The following SYNJ2 variants were observed in gnomAD, a reference collection of about 807,000 sequenced individuals.
SYNJ2 encodes polyphosphatidylinositol phosphatase SYNJ2.
Under a neutral mutation model 141.3 loss-of-function variants are expected in SYNJ2, and 116 were observed. The observed-to-expected ratio is 0.82, with a 90% confidence interval of 0.71 to 0.96. The LOEUF is 0.96. Among genes scored for constraint, SYNJ2 ranks in the 40% least tolerant of loss-of-function variants. The pLI, the probability that SYNJ2 is intolerant of heterozygous loss-of-function variation, is 0.00. For missense variants in SYNJ2, 1,873 were observed against 1,934.8 expected (o/e 0.97, Z 0.60); for synonymous variants, 745 against 777.7 (o/e 0.96, Z 0.70).
chr6:158,092,830 A>C, intron 25 of SYNJ2, 96 bp from the exon 26 acceptor site: 2 of 1,155,570 alleles, frequency 1.7e-6, no homozygotes, highest in Non-Finnish European at 2.4e-6. Context: ...ACACTGAATT[A>C]GTAAATGACA....
Position 158,071,584 on chromosome 6 carries a change from C to T in SYNJ2, c.1941-18C>T, listed in dbSNP as rs149193527. 1.1e-4 allele frequency: 172 copies of T among 1,610,784 alleles called. No homozygotes were observed. The African/African-American group carries it at 2.1e-3, about 20-fold the overall frequency. On this transcript the variant is annotated intron_variant, in intron 14 of 26. Transcript: ENST00000355585. This position sits in a 1 kb window ranked among gnomAD's most constrained non-coding sequence, Gnocchi z 4.3. ...CTCCTTCAGGAGCCGACGGCATGCGCGTATCCTTCTGTTCCAGGGACGTAG... is the reference window on the plus strand; with the variant it reads ...CTCCTTCAGGAGCCGACGGCATGCGTGTATCCTTCTGTTCCAGGGACGTAG...
At chr6:157,995,831 T>C (rs1583290074) in intron 1 of SYNJ2, among the ~76,000 whole-genome samples, 2 of 152,306 alleles carry the variant, frequency 1.3e-5, no homozygotes, top group East Asian at 3.9e-4. Flanking sequence ...CATAATGCCA[T>C]CATTAATCAA....
At chr6:158,019,682 C>T (rs897377686) in intron 2 of SYNJ2, among the ~76,000 whole-genome samples, 6 of 152,216 alleles carry the variant, frequency 3.9e-5, no homozygotes, top group African/African-American at 9.7e-5. Flanking sequence ...AGCCCTGCTC[C>T]GAGGCTTTGG....
At chr6:158,093,199 G>T in intron 26 of SYNJ2, 95 bp downstream of exon 26, 1 of 1,350,078 alleles carries the variant, frequency 7.4e-7, no homozygotes, top group Non-Finnish European at 1.0e-6. Flanking sequence ...ACATTGGGAA[G>T]CCGAGGCAAG....
At chr6:157,989,847 T>C (rs931786053) in intron 1 of SYNJ2, among the ~76,000 whole-genome samples, 1 of 152,084 alleles carries the variant, frequency 6.6e-6, no homozygotes, top group East Asian at 1.9e-4. Flanking sequence ...GCTGGAGAAG[T>C]GTCTGCGGGA....
chr6:158,076,634 G>A lies in SYNJ2; in HGVS notation c.2301G>A (p.Lys767=). The change falls in exon 17 of 27, where the codon AAG becomes AAA. Residue 767 remains lysine (K), a synonymous_variant. Transcript: ENST00000355585. ...QLQKSSGKIF[K]DFHEGAINFG... is the part of the protein sequence containing the mutation. Reference sequence around the variant, plus strand: ...TCTTTTTCTCCCAATAGATTTTTAAGGACTTTCACGAAGGAGCCATTAACT... The same window carrying A: ...TCTTTTTCTCCCAATAGATTTTTAAAGACTTTCACGAAGGAGCCATTAACT... 1 of 1,612,266 alleles carries A rather than the reference G, an allele frequency of 6.2e-7. No homozygotes were observed. The highest frequency in any genetic ancestry group is 1.1e-5 in the South Asian group (1 of 91,000).
At position 158,028,493 on chromosome 6, in the gene SYNJ2, C is replaced by T. The variant is rs539449191; in HGVS notation, c.215-263C>T. 5.2e-5 allele frequency: 27 copies of T among 520,960 alleles called. No homozygotes were observed. The East Asian group carries it at 5.7e-4, about 11-fold the overall frequency. The allele number at this position is 520,960 out of a possible 1,614,324, so 32.3% of individuals were successfully genotyped here. A position where few individuals can be genotyped will look rare whatever the true frequency, so the allele number is the denominator to read the frequency against. Reference sequence around the variant, plus strand: ...TTGCCCCCAGCCTCAGGCAGCTGGGCGGCAGGAATCTGCATGTCTAACAGG... The same window carrying T: ...TTGCCCCCAGCCTCAGGCAGCTGGGTGGCAGGAATCTGCATGTCTAACAGG... On this transcript the variant is annotated intron_variant, in intron 2 of 26. Coordinates refer to ENST00000355585, the MANE Select transcript of SYNJ2 (RefSeq NM_003898.4).
chr6:158,036,007 AACAG>A (rs1219716062), intron 4 of SYNJ2, among the ~76,000 whole-genome samples: 14 of 152,232 alleles, frequency 9.2e-5, no homozygotes, highest in African/African-American at 3.4e-4. Context: ...AAAGGACATA[AACAG>A]ACACTTTTCA....
At chr6:158,080,209 C>T (rs188423161) in intron 18 of SYNJ2, among the ~76,000 whole-genome samples, 3 of 152,252 alleles carry the variant, frequency 2.0e-5, no homozygotes, top group African/African-American at 4.8e-5. Flanking sequence ...GGCGCAGTGG[C>T]TCACGCCTTT....
intron 1 of SYNJ2, among the ~76,000 whole-genome samples, chr6:158,000,726 G>A (rs1009660293): frequency 9.2e-5 from 14 of 151,578 alleles, no homozygotes; most frequent in African/African-American, 3.2e-4. Context: ...TACCCGCACC[G>A]CACTGTGGTC....
At position 157,982,956 on chromosome 6, in the gene SYNJ2, A is replaced by C. The variant is rs1326679478; in HGVS notation, c.127+868A>C. On this transcript the variant is annotated intron_variant, in intron 1 of 26. Coordinates refer to ENST00000355585, the MANE Select transcript of SYNJ2 (RefSeq NM_003898.4). This position sits in a 1 kb window ranked among gnomAD's most constrained non-coding sequence, Gnocchi z 4.0. ...TTATAAGGAAAACCTGGGTAGCACC[A>C]AAGCACGTGAAACCAGGTCTGATTG... Among the ~76,000 whole-genome samples, 2 of 152,182 alleles carry C rather than the reference A, an allele frequency of 1.3e-5. No homozygotes were observed. The highest frequency in any genetic ancestry group is 2.4e-5 in the African/African-American group (1 of 41,434).
intron 1 of SYNJ2, among the ~76,000 whole-genome samples, chr6:157,990,543 C>T (rs898123147): frequency 4.6e-5 from 7 of 152,202 alleles, no homozygotes; most frequent in Non-Finnish European, 8.8e-5. Context: ...TCTAAATTCT[C>T]TCCTGGCTCT....
At chr6:158,015,893 A>T (rs1778435275) in intron 1 of SYNJ2, among the ~76,000 whole-genome samples, 1 of 152,174 alleles carries the variant, frequency 6.6e-6, no homozygotes, top group Non-Finnish European at 1.5e-5. Flanking sequence ...CAACTCATTA[A>T]AGTGTACAAC....
chr6:158,017,313 A>C (rs1247994544), intron 2 of SYNJ2, 23 bp downstream of exon 2: 3 of 1,597,686 alleles, frequency 1.9e-6, no homozygotes, highest in Non-Finnish European at 2.6e-6. Context: ...TCGCTGGAGG[A>C]GCAGGCGCCA....
At chr6:158,007,423 C>T (rs1237418949) in intron 1 of SYNJ2, among the ~76,000 whole-genome samples, 2 of 152,238 alleles carry the variant, frequency 1.3e-5, no homozygotes, top group Non-Finnish European at 2.9e-5. Flanking sequence ...ATGCTCTGCC[C>T]AGACCTGTCC....
chr6:157,992,580 T>C (rs10945974), intron 1 of SYNJ2, among the ~76,000 whole-genome samples: 24,033 of 149,990 alleles, frequency 0.16, 2,138 homozygotes, highest in Non-Finnish European at 0.2. Flanking sequence ...GTATTTTTAG[T>C]AGAGACAGGG....
At chr6:158,074,831 G>C in intron 16 of SYNJ2, 93 bp downstream of exon 16, 1 of 1,444,488 alleles carries the variant, frequency 6.9e-7, no homozygotes, top group South Asian at 1.2e-5. Context: ...ATTCAGTTCC[G>C]TGAGTGGATT....
At chr6:158,083,630 C>T (rs529835038) in intron 21 of SYNJ2, 33 bp downstream of exon 21, 8 of 1,612,526 alleles carry the variant, frequency 5.0e-6, no homozygotes, top group Middle Eastern at 1.7e-4. Context: ...ACAGGCAAGC[C>T]GTTCTTCTAG....
chr6:158,046,664 G>A (rs1320867908), intron 5 of SYNJ2, among the ~76,000 whole-genome samples: 1 of 152,184 alleles, frequency 6.6e-6, no homozygotes, highest in African/African-American at 2.4e-5. Flanking sequence ...TTGTCTGCAT[G>A]TTTTCCTGGG....
Sources: gnomAD v4.1 joint callset for allele counts (sites outside exome capture counted in the v4.1 genomes callset) on GRCh38, gnomAD v4.1.1 for gene constraint, Gnocchi (gnomAD v3.1) non-coding constraint, MANE v1.5 for transcripts, NCBI Gene and HGNC (gene_info 2026-07-23, HGNC 2026-07-21) for gene names.